Variants in LINGO2 observed in about 807,000 individuals in gnomAD.
The protein encoded by LINGO2 is leucine-rich repeat and immunoglobulin-like domain-containing nogo receptor-interacting protein 2.
Under a neutral mutation model 30.6 loss-of-function variants are expected in LINGO2, and 14 were observed. The ratio of observed to expected loss-of-function variants is 0.46; its 90% CI spans 0.30 to 0.72. The LOEUF (loss-of-function observed/expected upper bound fraction) is 0.72. Ranked by LOEUF, LINGO2 falls within the 30% of genes least tolerant of loss-of-function variation. The pLI, the probability that LINGO2 is intolerant of heterozygous loss-of-function variation, is 0.07. For missense variants in LINGO2, 729 were observed against 751.7 expected (o/e 0.97, Z 0.35); for synonymous variants, 317 against 288.5 (o/e 1.10, Z -1.00).
At chr9:28,955,491 A>G in the LINGO2 span, among the ~76,000 whole-genome samples, 2 of 152,058 alleles carry the variant, frequency 1.3e-5, no homozygotes, top group African/African-American at 4.8e-5. Flanking sequence ...GGAGGTAGTA[A>G]GGGATGTCCT....
chr9:29,020,800 C>T, the LINGO2 span, among the ~76,000 whole-genome samples: 4 of 152,086 alleles, frequency 2.6e-5, no homozygotes, highest in African/African-American at 7.2e-5. Flanking sequence ...GTATACAAGA[C>T]AGCCAGTGAG....
intron 2 of LINGO2, among the ~76,000 whole-genome samples, chr9:28,409,396 T>A (rs868824463): frequency 6.6e-6 from 1 of 152,086 alleles, no homozygotes; most frequent in Non-Finnish European, 1.5e-5. Context: ...CAAGCACAAG[T>A]GTACAATTTT....
At chr9:29,026,143 C>T in the LINGO2 span, among the ~76,000 whole-genome samples, 1 of 152,016 alleles carries the variant, frequency 6.6e-6, no homozygotes, top group Admixed American at 6.6e-5. Context: ...AGTGAACCTC[C>T]CACCTCAGAT....
At chr9:28,837,417 G>A in the LINGO2 span, among the ~76,000 whole-genome samples, 1,265 of 151,486 alleles carry the variant, frequency 8.4e-3, 13 homozygotes, top group Non-Finnish European at 0.013. Context: ...AGGCCGAGGC[G>A]GGTGGATCAC....
At chr9:28,027,787 C>T (rs191169937) in intron 4 of LINGO2, among the ~76,000 whole-genome samples, 1 of 152,284 alleles carries the variant, frequency 6.6e-6, no homozygotes, top group African/African-American at 2.4e-5. Context: ...TAGCCCTGGC[C>T]TTAAGGAGCT....
At chr9:28,598,813 T>C (rs1450932913) in intron 1 of LINGO2, 4 of 152,228 alleles carry the variant, frequency 2.6e-5, no homozygotes, top group Admixed American at 2.6e-4. Flanking sequence ...AATTCTACTT[T>C]GGTCTGTTTC....
intron 4 of LINGO2, among the ~76,000 whole-genome samples, chr9:28,031,618 G>C (rs781766345): frequency 2.6e-5 from 4 of 152,096 alleles, no homozygotes; most frequent in Non-Finnish European, 4.4e-5. Flanking sequence ...GGACAGTCTG[G>C]TGTCTGCCAC....
chr9:28,446,325 C>A lies in LINGO2; in HGVS notation c.-279+29615G>T, dbSNP rs1431352132. On this transcript the variant is annotated intron_variant, in intron 2 of 5. Transcript: ENST00000379992. ...CATTATGTTGTTATGCACATTCAAG[C>A]ACATCCAGTTTATAATATAAAATTT... Among the ~76,000 whole-genome samples the A allele has an allele frequency of 2.0e-5, 3 of 152,158 alleles. No individual in the cohort carries two copies. In the South Asian group the frequency reaches 6.2e-4, roughly 32 times the overall value.
chr9:28,392,573 C>T (rs372796124), intron 2 of LINGO2, among the ~76,000 whole-genome samples: 1 of 152,084 alleles, frequency 6.6e-6, no homozygotes, highest in African/African-American at 2.4e-5. Flanking sequence ...TCAGTTAAAC[C>T]GCATTCCCAA....
chr9:28,585,638 G>C (rs1824495575), intron 1 of LINGO2, among the ~76,000 whole-genome samples: 1 of 152,032 alleles, frequency 6.6e-6, no homozygotes, highest in African/African-American at 2.4e-5. Flanking sequence ...GCTAAGGTAT[G>C]ATGTCCACAA....
At chr9:28,812,289 T>C in the LINGO2 span, among the ~76,000 whole-genome samples, 1 of 152,248 alleles carries the variant, frequency 6.6e-6, no homozygotes, top group Non-Finnish European at 1.5e-5. Flanking sequence ...TTCCAACAAG[T>C]AAATATTTTC....
At chr9:28,619,331 A>G (rs1281730083) in intron 1 of LINGO2, among the ~76,000 whole-genome samples, 2 of 152,144 alleles carry the variant, frequency 1.3e-5, no homozygotes, top group Admixed American at 1.3e-4. Flanking sequence ...TATAAACTAG[A>G]AGGATTCGAC....
the LINGO2 span, among the ~76,000 whole-genome samples, chr9:28,982,447 C>T: frequency 6.6e-6 from 1 of 151,560 alleles, no homozygotes; most frequent in East Asian, 1.9e-4. Flanking sequence ...CCACAAGTTG[C>T]CAGTTAAATT....
At chr9:28,811,221 C>T in the LINGO2 span, among the ~76,000 whole-genome samples, 1 of 152,202 alleles carries the variant, frequency 6.6e-6, no homozygotes, top group South Asian at 2.1e-4. Flanking sequence ...TCAATATCAA[C>T]AAGTTCTTCT....
intron 3 of LINGO2, among the ~76,000 whole-genome samples, chr9:28,330,222 C>A (rs1825371544): frequency 6.6e-6 from 1 of 152,150 alleles, no homozygotes; most frequent in African/African-American, 2.4e-5. Flanking sequence ...AGAATGAAAT[C>A]TATCTTGCTG....
chr9:27,973,435 G>GA, intron 5 of LINGO2, among the ~76,000 whole-genome samples: 1 of 152,156 alleles, frequency 6.6e-6, no homozygotes, highest in East Asian at 1.9e-4. Flanking sequence ...TCCAATAGAA[G>GA]AGTGTAGAAC....
the LINGO2 span, among the ~76,000 whole-genome samples, chr9:28,740,109 G>A: frequency 6.6e-6 from 1 of 151,472 alleles, no homozygotes; most frequent in Admixed American, 6.6e-5. Context: ...AATATGTGTT[G>A]CGTGATCTTA....
chr9:29,121,443 A>G, the LINGO2 span, among the ~76,000 whole-genome samples: 3 of 152,130 alleles, frequency 2.0e-5, no homozygotes, highest in African/African-American at 7.2e-5. Flanking sequence ...ATAAACTTAT[A>G]CCAAAGCAAA....
At chr9:28,109,734 A>G (rs1239305359) in intron 4 of LINGO2, among the ~76,000 whole-genome samples, 3 of 152,240 alleles carry the variant, frequency 2.0e-5, no homozygotes, top group Non-Finnish European at 2.9e-5. Context: ...TGCTCAAGGA[A>G]ATAAGAGAGG....
Sources: gnomAD v4.1 joint callset for allele counts (sites outside exome capture counted in the v4.1 genomes callset) on GRCh38, gnomAD v4.1.1 for gene constraint, MANE v1.5 for transcripts, NCBI Gene and HGNC (gene_info 2026-07-23, HGNC 2026-07-21) for gene names.